Variants in XKR9 observed in about 807,000 individuals in gnomAD.
XKR9 encodes the protein XK related 9.
A neutral mutation model predicts 32.0 loss-of-function variants in XKR9; 32 were observed. The observed-to-expected ratio is 1.00, with a 90% CI of 0.76 to 1.34. The LOEUF is 1.34. Ranked by LOEUF, XKR9 falls within the 40% of genes most tolerant of loss-of-function variation. The pLI is 0.00. For missense variants in XKR9, 546 were observed against 429.7 expected (o/e 1.27, Z -2.39); for synonymous variants, 168 against 143.4 (o/e 1.17, Z -1.22).
chr8:70,798,779 T>A, the XKR9 span, among the ~76,000 whole-genome samples: 5 of 152,372 alleles, frequency 3.3e-5, no homozygotes, highest in East Asian at 9.6e-4. Context: ...TAGCCAGTTA[T>A]CCTAGCAGCA....
intron 2 of XKR9, among the ~76,000 whole-genome samples, chr8:70,756,385 G>C (rs2130196445): frequency 6.6e-6 from 1 of 152,268 alleles, no homozygotes; most frequent in East Asian, 1.9e-4. Flanking sequence ...GAATCAGCTT[G>C]TCACTTTCTA....
the XKR9 span, among the ~76,000 whole-genome samples, chr8:70,955,318 A>G: frequency 6.6e-6 from 1 of 152,174 alleles, no homozygotes; most frequent in Admixed American, 6.5e-5. Flanking sequence ...AGGGCACAGG[A>G]CTAATTCTAT....
the XKR9 span, among the ~76,000 whole-genome samples, chr8:70,821,961 G>A: frequency 6.6e-6 from 1 of 152,166 alleles, no homozygotes; most frequent in Non-Finnish European, 1.5e-5. Flanking sequence ...TCTGCAGCAG[G>A]CTTGAATGTC....
the XKR9 span, among the ~76,000 whole-genome samples, chr8:71,002,177 C>G: frequency 1.7e-4 from 26 of 152,006 alleles, no homozygotes; most frequent in Admixed American, 5.2e-4. Context: ...AAGGAATTGG[C>G]TGTCATTTTA....
chr8:70,860,129 A>G, the XKR9 span, among the ~76,000 whole-genome samples: 1 of 152,196 alleles, frequency 6.6e-6, no homozygotes, highest in African/African-American at 2.4e-5. Context: ...ATATATCAAT[A>G]ACAAAATTAC....
chr8:70,893,262 G>T, the XKR9 span, among the ~76,000 whole-genome samples: 1 of 151,940 alleles, frequency 6.6e-6, no homozygotes. Context: ...TTGTTGAATT[G>T]TTCATCTGTA....
At chr8:70,685,932 CAATT>C (rs1430336548) in intron 3 of XKR9, among the ~76,000 whole-genome samples, 1 of 150,454 alleles carries the variant, frequency 6.6e-6, no homozygotes, top group Non-Finnish European at 1.5e-5. Context: ...AAAATTAAAT[CAATT>C]AAAAATAAGA....
At chr8:70,951,041 G>A in the XKR9 span, among the ~76,000 whole-genome samples, 1 of 152,132 alleles carries the variant, frequency 6.6e-6, no homozygotes, top group Non-Finnish European at 1.5e-5. Flanking sequence ...CCAGACTGGT[G>A]TCATTCAGAG....
downstream of XKR9, among the ~76,000 whole-genome samples, chr8:70,737,051 C>T (rs1218690127): frequency 6.6e-6 from 1 of 151,924 alleles, no homozygotes; most frequent in Non-Finnish European, 1.5e-5. Context: ...CTATAAATTA[C>T]CTTCGGCAGT....
rs150916752 is a variant in XKR9 at position 70,734,118 on chromosome 8, C to G, written c.816C>G (p.Ile272Met). The G allele has an allele frequency of 6.2e-7, 1 of 1,612,404 alleles. No individual in the cohort carries two copies. The highest frequency in any genetic ancestry group is 8.5e-7 in the Non-Finnish European group (1 of 1,178,870). The change falls in exon 5 of 5, where the codon ATC becomes ATG. Residue 272 changes from isoleucine to methionine, a missense_variant. By Grantham distance (10) the Ile-to-Met change is conservative. Transcript: ENST00000408926. Reference sequence around the variant, plus strand: ...GGATTGTTGTTGGATTCATTCTTATCTTTACATTTTTTAATATTAAGGGAC... The same window carrying G: ...GGATTGTTGTTGGATTCATTCTTATGTTTACATTTTTTAATATTAAGGGAC... The part of the protein sequence containing the change: ...LYRIVVGFIL[I>M]FTFFNIKGQN...
chr8:70,683,548 C>T (rs1045898356), intron 3 of XKR9: 34 of 451,406 alleles, frequency 7.5e-5, no homozygotes, highest in African/African-American at 1.6e-4. Context: ...CCTGCAGTGG[C>T]GCCTTCCCAG....
chr8:70,760,676 A>C (rs1807296170), intron 2 of XKR9, among the ~76,000 whole-genome samples: 1 of 152,192 alleles, frequency 6.6e-6, no homozygotes, highest in African/African-American at 2.4e-5. Flanking sequence ...TCACAATTAT[A>C]CAACCATCAC....
chr8:70,906,611 A>G, the XKR9 span, among the ~76,000 whole-genome samples: 1 of 152,212 alleles, frequency 6.6e-6, no homozygotes, highest in Non-Finnish European at 1.5e-5. Context: ...CCATTTGCTC[A>G]AAGGTAAACA....
intron 2 of XKR9, among the ~76,000 whole-genome samples, chr8:70,744,490 T>G (rs890388927): frequency 6.6e-6 from 1 of 152,200 alleles, no homozygotes; most frequent in African/African-American, 2.4e-5. Context: ...TTTGCCAAAG[T>G]CCACACAGAT....
chr8:70,946,196 A>C, the XKR9 span, among the ~76,000 whole-genome samples: 1 of 152,168 alleles, frequency 6.6e-6, no homozygotes, highest in African/African-American at 2.4e-5. Flanking sequence ...CCAGCCTAAG[A>C]GATCCTCTAA....
the XKR9 span, among the ~76,000 whole-genome samples, chr8:70,908,696 C>T: frequency 6.6e-6 from 1 of 152,164 alleles, no homozygotes; most frequent in Non-Finnish European, 1.5e-5. Flanking sequence ...TCCAATTAAA[C>T]TTTATTTATG....
chr8:70,767,496 C>CTTTTTTTT (rs34400671), intron 2 of XKR9, among the ~76,000 whole-genome samples: 65 of 99,340 alleles, frequency 6.5e-4, no homozygotes, highest in Non-Finnish European at 1.1e-3. Flanking sequence ...TCTTTTCCTT[C>CTTTTTTTT]TTTTTTTTTT....
chr8:70,749,158 G>A (rs923814963), intron 2 of XKR9, among the ~76,000 whole-genome samples: 14 of 152,228 alleles, frequency 9.2e-5, no homozygotes, highest in African/African-American at 3.4e-4. Flanking sequence ...ACTCAGTGAA[G>A]ATCTTCTCTG....
chr8:70,705,856 G>C (rs1260542120), intron 3 of XKR9, among the ~76,000 whole-genome samples: 1 of 152,120 alleles, frequency 6.6e-6, no homozygotes, highest in East Asian at 1.9e-4. Flanking sequence ...AAAGAATCCA[G>C]GCCAGAGAGT....
Sources: gnomAD v4.1 joint callset for allele counts (sites outside exome capture counted in the v4.1 genomes callset) on GRCh38, gnomAD v4.1.1 for gene constraint, MANE v1.5 for transcripts, NCBI Gene and HGNC (gene_info 2026-07-23, HGNC 2026-07-21) for gene names.